Variants in SLC4A10 observed in about 807,000 individuals in gnomAD.
SLC4A10 encodes sodium-driven chloride bicarbonate exchanger.
In SLC4A10, 42 loss-of-function variants were observed where a neutral mutation model predicts 137.7. The ratio of observed to expected loss-of-function variants is 0.30; its 90% CI spans 0.24 to 0.39. The LOEUF is 0.39. Ranked by LOEUF, SLC4A10 falls within the 10% of genes least tolerant of loss-of-function variation. SLC4A10 has a pLI of 1.00. For missense variants in SLC4A10, 925 were observed against 1,355.0 expected (o/e 0.68, Z 4.98); for synonymous variants, 474 against 464.1 (o/e 1.02, Z -0.27).
chr2:161,905,884 A>G lies in SLC4A10; in HGVS notation c.1994A>G (p.Tyr665Cys). 6.3e-7 allele frequency: 1 copy of G among 1,597,014 alleles called. No individual in the cohort carries two copies. Among genetic ancestry groups the G allele is most frequent in the Non-Finnish European group, 8.5e-7 (1 of 1,170,722 alleles). ...AATGATCTGGAACTGCTGACACAATACTCGTAAGTACCATTTCCCCTGCTG... is the reference window on the plus strand; with the variant it reads ...AATGATCTGGAACTGCTGACACAATGCTCGTAAGTACCATTTCCCCTGCTG... ...MHNDLELLTQ[Y>C]SCNCVEPHNP... is the part of the protein sequence containing the mutation. The change falls in exon 15 of 27, where the codon TAC becomes TGC. Residue 665 changes from tyrosine to cysteine, a missense_variant. Transcript: ENST00000446997.
chr2:161,856,468 C>A (rs1003839757), intron 5 of SLC4A10, among the ~76,000 whole-genome samples: 6 of 151,392 alleles, frequency 4.0e-5, no homozygotes, highest in African/African-American at 1.5e-4. Flanking sequence ...AGAGATTATT[C>A]TTTAAGTTAC....
At chr2:161,810,846 G>C (rs1416276157) in intron 3 of SLC4A10, among the ~76,000 whole-genome samples, 1 of 151,890 alleles carries the variant, frequency 6.6e-6, no homozygotes, top group African/African-American at 2.4e-5. Flanking sequence ...GTCTCTGCCA[G>C]ATTTTGGTAT....
intron 8 of SLC4A10, 135 bp from the exon 9 acceptor site, chr2:161,878,996 T>G (rs956361641): frequency 2.0e-4 from 136 of 673,894 alleles, no homozygotes; most frequent in Middle Eastern, 9.3e-4. Context: ...AAAGGGCAAA[T>G]GAGATGTTTA....
intron 2 of SLC4A10, among the ~76,000 whole-genome samples, chr2:161,776,728 T>A (rs1441936506): frequency 1.3e-5 from 2 of 151,824 alleles, no homozygotes; most frequent in Non-Finnish European, 2.9e-5. Context: ...GAATAGTGGA[T>A]CATGTGATAA....
chr2:161,793,982 A>G lies in SLC4A10; in HGVS notation c.131-10467A>G, dbSNP rs535215302. ...AAAATTTTATGACATCACAGTGATT[A>G]ATCCAAAACTATCAGCATCAATGAA... On this transcript the variant is annotated intron_variant, in intron 2 of 26. Coordinates refer to ENST00000446997, the MANE Select transcript of SLC4A10 (RefSeq NM_001178015.2). Among the ~76,000 whole-genome samples the G allele has an allele frequency of 3.3e-5, 5 of 152,298 alleles. No homozygotes were observed. In the South Asian group the frequency reaches 8.3e-4, roughly 25 times the overall value.
intron 1 of SLC4A10, among the ~76,000 whole-genome samples, chr2:161,722,448 A>C (rs1327365882): frequency 1.3e-5 from 2 of 152,120 alleles, no homozygotes; most frequent in Non-Finnish European, 2.9e-5. Flanking sequence ...TCTCTTCCAC[A>C]GGGCTGCTGT....
At chr2:161,743,517 T>C (rs1226797558) in intron 1 of SLC4A10, among the ~76,000 whole-genome samples, 1 of 152,208 alleles carries the variant, frequency 6.6e-6, no homozygotes, top group Admixed American at 6.5e-5. Context: ...TTTTGGTTAC[T>C]ATAGCTCTAT....
chr2:161,770,942 T>C (rs1279865597), intron 1 of SLC4A10, 31 bp from the exon 2 acceptor site: 1 of 1,487,526 alleles, frequency 6.7e-7, no homozygotes. Flanking sequence ...ATGTGTGTTA[T>C]CATTTAATCT....
chr2:161,637,444 G>A (rs963424935), intron 1 of SLC4A10, among the ~76,000 whole-genome samples: 3 of 151,886 alleles, frequency 2.0e-5, no homozygotes, highest in East Asian at 1.9e-4. Flanking sequence ...CAGGTGATCC[G>A]CCCACTTTGG....
chr2:161,688,637 A>T (rs1338321258), intron 1 of SLC4A10, among the ~76,000 whole-genome samples: 1 of 152,202 alleles, frequency 6.6e-6, no homozygotes, highest in African/African-American at 2.4e-5. Context: ...ATAGGAATTA[A>T]CTAAAGTATC....
chr2:161,780,453 A>G (rs901961967), intron 2 of SLC4A10, among the ~76,000 whole-genome samples: 3 of 151,974 alleles, frequency 2.0e-5, no homozygotes, highest in African/African-American at 7.2e-5. Context: ...AGACTGTGGC[A>G]CTCTAAACAG....
intron 3 of SLC4A10, among the ~76,000 whole-genome samples, chr2:161,808,286 T>A (rs989000249): frequency 8.5e-5 from 13 of 152,180 alleles, no homozygotes; most frequent in African/African-American, 3.1e-4. Flanking sequence ...CCCTCTTTTA[T>A]ATTTTTTCAT....
At chr2:161,686,258 G>A (rs955604018) in intron 1 of SLC4A10, among the ~76,000 whole-genome samples, 1 of 152,126 alleles carries the variant, frequency 6.6e-6, no homozygotes, top group Admixed American at 6.5e-5. Flanking sequence ...AGTTTTAAAA[G>A]CACATTGTTA....
chr2:161,803,699 C>A, intron 2 of SLC4A10, among the ~76,000 whole-genome samples: 1 of 152,114 alleles, frequency 6.6e-6, no homozygotes. Flanking sequence ...GTTGACAGCT[C>A]ATTTCCTTTT....
intron 26 of SLC4A10, among the ~76,000 whole-genome samples, chr2:161,980,734 T>G (rs1434493873): frequency 6.6e-6 from 1 of 152,238 alleles, no homozygotes; most frequent in African/African-American, 2.4e-5. Flanking sequence ...GGTCACTTTT[T>G]GCCCTCTTGA....
chr2:161,739,909 T>C (rs1459475595), intron 1 of SLC4A10, among the ~76,000 whole-genome samples: 1 of 152,178 alleles, frequency 6.6e-6, no homozygotes, highest in Non-Finnish European at 1.5e-5. Flanking sequence ...TCAATGGACA[T>C]GTTCTGCTTT....
intron 1 of SLC4A10, among the ~76,000 whole-genome samples, chr2:161,675,105 C>T (rs925042590): frequency 6.6e-6 from 1 of 152,166 alleles, no homozygotes; most frequent in African/African-American, 2.4e-5. Flanking sequence ...AAGTTGCAAT[C>T]AGGCCAGTTC....
intron 1 of SLC4A10, among the ~76,000 whole-genome samples, chr2:161,731,944 A>G (rs188326653): frequency 2.6e-5 from 4 of 152,256 alleles, no homozygotes; most frequent in East Asian, 3.9e-4. Context: ...ATTATTGTAT[A>G]TATTTAAGGT....
chr2:161,661,880 T>C (rs1290568570), intron 1 of SLC4A10, among the ~76,000 whole-genome samples: 1 of 152,192 alleles, frequency 6.6e-6, no homozygotes, highest in Non-Finnish European at 1.5e-5. Context: ...TACATTAGGC[T>C]ACCTTACTTC....
Sources: gnomAD v4.1 joint callset for allele counts (sites outside exome capture counted in the v4.1 genomes callset) on GRCh38, gnomAD v4.1.1 for gene constraint, MANE v1.5 for transcripts, NCBI Gene and HGNC (gene_info 2026-07-23, HGNC 2026-07-21) for gene names.